The following ZNF93 variants were observed in gnomAD, a reference collection of about 807,000 sequenced individuals.
The protein encoded by ZNF93 is zinc finger protein 505.
A neutral mutation model predicts 45.0 loss-of-function variants in ZNF93; 29 were observed. That is an observed-to-expected ratio of 0.64 (90% CI 0.48 to 0.88). The LOEUF is 0.88. Among genes scored for constraint, ZNF93 ranks in the 40% least tolerant of loss-of-function variants. ZNF93 has a pLI of 0.00. For missense variants in ZNF93, 578 were observed against 724.0 expected (o/e 0.80, Z 2.31); for synonymous variants, 223 against 244.6 (o/e 0.91, Z 0.82).
At chr19:19,915,197 C>G in intron 1 of ZNF93, 83 bp from the exon 2 acceptor site, 2 of 1,607,180 alleles carry the variant, frequency 1.2e-6, no homozygotes, top group Non-Finnish European at 1.7e-6. Flanking sequence ...AACCACTTCT[C>G]TTTACTCTCT....
At chr19:19,904,116 AT>A (rs60853268) in intron 1 of ZNF93, among the ~76,000 whole-genome samples, 119 of 140,918 alleles carry the variant, frequency 8.4e-4, no homozygotes, top group Non-Finnish European at 7.3e-4. Context: ...AATACAGCTG[AT>A]TTTTTTTTTT....
chr19:19,930,683 T>C (rs1014807761), intron 3 of ZNF93, among the ~76,000 whole-genome samples: 1 of 152,204 alleles, frequency 6.6e-6, no homozygotes, highest in African/African-American at 2.4e-5. Context: ...CCTCAGCTCC[T>C]ATCTCTGTAT....
intron 3 of ZNF93, among the ~76,000 whole-genome samples, chr19:19,926,544 C>T (rs944173234): frequency 6.7e-6 from 1 of 149,030 alleles, no homozygotes; most frequent in African/African-American, 2.5e-5. Flanking sequence ...AGCGCAGTGG[C>T]GTGATCTTGC....
intron 3 of ZNF93, among the ~76,000 whole-genome samples, chr19:19,920,895 C>T (rs974614080): frequency 2.0e-5 from 3 of 152,152 alleles, no homozygotes; most frequent in African/African-American, 7.2e-5. Flanking sequence ...AAAACTAGCT[C>T]CTGGATTCAT....
Position 19,934,183 on chromosome 19 carries a change from T to G in ZNF93, c.1228T>G (p.Ser410Ala), listed in dbSNP as rs769479920. Residue 410 changes from serine to alanine, a missense_variant, in exon 4 of 4, where the codon TCT becomes GCT. Coordinates refer to ENST00000343769, the MANE Select transcript of ZNF93 (RefSeq NM_031218.4). ...EECGKAFKYSSTLSSHKRSHT... is the reference protein window; with the variant it reads ...EECGKAFKYSATLSSHKRSHT... Reference sequence around the variant, plus strand: ...ATGTGGCAAAGCCTTTAAGTACTCCTCTACCCTTAGTTCACATAAGAGAAG... The same window carrying G: ...ATGTGGCAAAGCCTTTAAGTACTCCGCTACCCTTAGTTCACATAAGAGAAG... 4 of 1,611,380 alleles carry G rather than the reference T, an allele frequency of 2.5e-6. 1 individual carries two copies. The East Asian group carries it at 9.0e-5, about 36-fold the overall frequency.
chr19:19,910,364 ATAAAT>A (rs746455982), intron 1 of ZNF93, among the ~76,000 whole-genome samples: 1 of 152,220 alleles, frequency 6.6e-6, no homozygotes, highest in Non-Finnish European at 1.5e-5. Context: ...ACAAGTAATT[ATAAAT>A]TAAACTAATA....
intron 1 of ZNF93, among the ~76,000 whole-genome samples, chr19:19,912,844 C>T (rs2063313214): frequency 1.3e-5 from 2 of 152,112 alleles, no homozygotes; most frequent in Admixed American, 6.5e-5. Context: ...TGCCCAGCAC[C>T]GTGCTCTGTA....
Position 19,934,014 on chromosome 19 carries a change from C to T in ZNF93, c.1059C>T (p.Ser353=), listed in dbSNP as rs1418181499. 5.0e-6 allele frequency: 8 copies of T among 1,612,758 alleles called. No homozygotes were observed. Among genetic ancestry groups the T allele is most frequent in the Non-Finnish European group, 6.8e-6 (8 of 1,179,588 alleles). ...AATGTGGCAAAGCCTTTATTGCATC[C>T]TCAACCCTTAGTAGACATGAGTTCA... ...CNKCGKAFIA[S]STLSRHEFIH... Residue 353 remains serine (S), a synonymous_variant, in exon 4 of 4, where the codon TCC becomes TCT. Transcript: ENST00000343769.
rs372798710 is a variant in ZNF93, at chr19:19,933,785, A to C, written c.830A>C (p.Lys277Thr). ...TCCTCGACACTTACTAAACATAAGA[A>C]AATTCATACTGGAGAGAAACCCTAC... ...NQSSTLTKHKKIHTGEKPYKC... is the reference protein window; with the variant it reads ...NQSSTLTKHKTIHTGEKPYKC... The change falls in exon 4 of 4, where the codon AAA becomes ACA. Residue 277 changes from lysine to threonine, a missense_variant. Coordinates refer to ENST00000343769, the MANE Select transcript of ZNF93 (RefSeq NM_031218.4). 2 of 1,612,128 alleles carry C rather than the reference A, an allele frequency of 1.2e-6. No homozygotes were observed. Among genetic ancestry groups the C allele is most frequent in the Non-Finnish European group, 1.7e-6 (2 of 1,179,092 alleles).
At chr19:19,921,551 C>A (rs561055280) in intron 3 of ZNF93, among the ~76,000 whole-genome samples, 11 of 152,270 alleles carry the variant, frequency 7.2e-5, no homozygotes, top group African/African-American at 2.2e-4. Flanking sequence ...GTGTTAAAGT[C>A]TCCCATTATT....
intron 3 of ZNF93, chr19:19,931,993 A>G (rs187537052): frequency 2.6e-6 from 1 of 388,510 alleles, no homozygotes; most frequent in Non-Finnish European, 5.0e-6. Context: ...ATTATTTTAT[A>G]TGGTGTATCT....
In ZNF93 at chr19:19,934,767, AC is replaced by A; in HGVS notation, c.1815del (p.Ser606GlnfsTer8). ...CDKCGKAFIS[P>X]SSLSRHEIIH... ...ATAAATGTGGCAAAGCCTTTATTTC[AC>A]CCTCAAGCCTTAGTAGACATGAGAT... On this transcript the variant is annotated frameshift_variant, in exon 4 of 4. Transcript: ENST00000343769. LOFTEE classifies it high-confidence loss of function. 1 of 1,607,232 alleles carries A rather than the reference AC, an allele frequency of 6.2e-7. No individual in the cohort carries two copies.
intron 3 of ZNF93, chr19:19,927,148 G>T (rs1568512367): frequency 5.0e-6 from 2 of 398,450 alleles, no homozygotes; most frequent in East Asian, 3.6e-5. Flanking sequence ...GTAATCCCAG[G>T]ATTTTGGGAG....
chr19:19,931,001 A>G (rs866162532), intron 3 of ZNF93, among the ~76,000 whole-genome samples: 1 of 151,744 alleles, frequency 6.6e-6, no homozygotes, highest in African/African-American at 2.4e-5. Context: ...TGTGGTTGCT[A>G]TTTTCATGGA....
intron 3 of ZNF93, among the ~76,000 whole-genome samples, chr19:19,930,658 C>A (rs1293127036): frequency 6.6e-6 from 1 of 152,134 alleles, no homozygotes; most frequent in Non-Finnish European, 1.5e-5. Context: ...CTTCTGGTAA[C>A]TTCTCACTAT....
chr19:19,934,770 C>G lies in ZNF93; in HGVS notation c.1815C>G (p.Pro605=), dbSNP rs116344204. 6.2e-7 allele frequency: 1 copy of G among 1,606,330 alleles called. No individual in the cohort carries two copies. The highest frequency in any genetic ancestry group is 1.7e-5 in the Admixed American group (1 of 58,746). Residue 605 remains proline, a synonymous_variant, in exon 4 of 4, where the codon CCC becomes CCG. Transcript: ENST00000343769. ...AATGTGGCAAAGCCTTTATTTCACCCTCAAGCCTTAGTAGACATGAGATAA... is the reference window on the plus strand; with the variant it reads ...AATGTGGCAAAGCCTTTATTTCACCGTCAAGCCTTAGTAGACATGAGATAA... The part of the protein sequence containing the change: ...CDKCGKAFIS[P]SSLSRHEIIH...
chr19:19,929,917 A>G (rs868751293), intron 3 of ZNF93, among the ~76,000 whole-genome samples: 138 of 136,296 alleles, frequency 1.0e-3, no homozygotes, highest in African/African-American at 3.1e-3. Flanking sequence ...CAGCCTGGGC[A>G]ACAGAGCGAG....
chr19:19,933,026 T>C, intron 3 of ZNF93, 156 bp from the exon 4 acceptor site: 4 of 575,460 alleles, frequency 7.0e-6, no homozygotes, highest in Non-Finnish European at 1.1e-5. Context: ...TTGTATGTTT[T>C]TGTTACATTT....
intron 1 of ZNF93, among the ~76,000 whole-genome samples, chr19:19,911,993 C>T (rs1186347774): frequency 6.6e-6 from 1 of 152,088 alleles, no homozygotes. Context: ...TCGTTCTGCA[C>T]CCGCCTTGGT....
Sources: gnomAD v4.1 joint callset for allele counts (sites outside exome capture counted in the v4.1 genomes callset) on GRCh38, gnomAD v4.1.1 for gene constraint, MANE v1.5 for transcripts, NCBI Gene and HGNC (gene_info 2026-07-23, HGNC 2026-07-21) for gene names.